The following NIPBL variants were observed in gnomAD, a reference collection of about 807,000 sequenced individuals.
The protein encoded by NIPBL is nipped-B-like protein.
A neutral mutation model predicts 321.8 loss-of-function variants in NIPBL; 19 were observed. The observed-to-expected ratio is 0.06, with a 90% CI of 0.04 to 0.09. The LOEUF is 0.09. Ranked by LOEUF, NIPBL falls within the 10% of genes least tolerant of loss-of-function variation. The probability of loss-of-function intolerance (pLI) is 1.00; values close to 1 mark genes in which losing one functional copy is unlikely to be tolerated. For missense variants in NIPBL, 2,210 were observed against 3,327.0 expected (o/e 0.66, Z 8.26); for synonymous variants, 1,106 against 1,114.1 (o/e 0.99, Z 0.14).
intron 33 of NIPBL, among the ~76,000 whole-genome samples, chr5:37,037,154 A>G (rs577996161): frequency 3.7e-4 from 56 of 151,562 alleles, no homozygotes; most frequent in Admixed American, 6.6e-4. Context: ...TTGGGAGGCC[A>G]AGGCGGGCAG....
intron 1 of NIPBL, among the ~76,000 whole-genome samples, chr5:36,926,322 C>A (rs958035662): frequency 2.0e-5 from 3 of 152,146 alleles, no homozygotes; most frequent in Non-Finnish European, 4.4e-5. Context: ...TTAGGCAGGG[C>A]TTGGCTTTGT....
chr5:37,040,336 G>GT (rs1481542529), intron 34 of NIPBL, among the ~76,000 whole-genome samples: 16 of 151,910 alleles, frequency 1.1e-4, no homozygotes, highest in Non-Finnish European at 8.8e-5. Flanking sequence ...TTTGATTTTT[G>GT]TTTTTATATC....
intron 1 of NIPBL, among the ~76,000 whole-genome samples, chr5:36,943,000 A>G (rs928570013): frequency 3.3e-5 from 5 of 152,156 alleles, no homozygotes; most frequent in Admixed American, 3.3e-4. Context: ...TTAGTTAAAA[A>G]AAAACCCTTC....
At chr5:36,931,386 C>T (rs1262600397) in intron 1 of NIPBL, among the ~76,000 whole-genome samples, 2 of 151,176 alleles carry the variant, frequency 1.3e-5, no homozygotes, top group African/African-American at 2.4e-5. Flanking sequence ...GGTGTGATCT[C>T]GGCTCACTGC....
chr5:37,031,827 A>G (rs1751058724), intron 32 of NIPBL, among the ~76,000 whole-genome samples: 1 of 152,234 alleles, frequency 6.6e-6, no homozygotes, highest in African/African-American at 2.4e-5. Context: ...AACATTGTGC[A>G]GAGTAAAAGA....
chr5:36,932,787 T>G (rs894050682), intron 1 of NIPBL, among the ~76,000 whole-genome samples: 8 of 148,642 alleles, frequency 5.4e-5, no homozygotes, highest in African/African-American at 1.7e-4. Flanking sequence ...TGTTTTTTTT[T>G]TTTTTTTTTT....
intron 11 of NIPBL, 74 bp downstream of exon 11, chr5:36,995,878 T>A: frequency 7.2e-7 from 1 of 1,388,994 alleles, no homozygotes; most frequent in Non-Finnish European, 1.0e-6. Flanking sequence ...CATTTATAAT[T>A]TGGGGGTTTA....
intron 1 of NIPBL, among the ~76,000 whole-genome samples, chr5:36,952,053 T>TGTGTGCGTGCGTGCGC (rs778597604): frequency 8.9e-6 from 1 of 112,114 alleles, no homozygotes; most frequent in Non-Finnish European, 1.9e-5. Context: ...TGTGTGTGTG[T>TGTGTGCGTGCGTGCGC]GCGCGCGCGC....
intron 32 of NIPBL, among the ~76,000 whole-genome samples, chr5:37,030,825 G>T (rs2149710214): frequency 6.6e-6 from 1 of 151,134 alleles, no homozygotes; most frequent in Non-Finnish European, 1.5e-5. Context: ...CACCATCATG[G>T]CCCACTGTGG....
chr5:36,899,954 GTTCC>G (rs965673979), intron 1 of NIPBL, among the ~76,000 whole-genome samples: 8 of 152,070 alleles, frequency 5.3e-5, no homozygotes, highest in Admixed American at 3.3e-4. Flanking sequence ...GTATTTTTCT[GTTCC>G]TTCCTTATGA....
At chr5:36,930,903 G>C (rs1189274765) in intron 1 of NIPBL, among the ~76,000 whole-genome samples, 2 of 152,068 alleles carry the variant, frequency 1.3e-5, no homozygotes, top group Non-Finnish European at 2.9e-5. Flanking sequence ...TGGTCATAAT[G>C]TGTAGTCATT....
chr5:36,898,003 A>G (rs1202683137), intron 1 of NIPBL, among the ~76,000 whole-genome samples: 2 of 152,150 alleles, frequency 1.3e-5, no homozygotes, highest in Admixed American at 6.5e-5. Context: ...ATTAGGAACA[A>G]AAGAGGAAAA....
intron 23 of NIPBL, 90 bp from the exon 24 acceptor site, chr5:37,016,929 T>C (rs2149691912): frequency 4.1e-6 from 4 of 969,324 alleles, no homozygotes; most frequent in Non-Finnish European, 6.0e-6. Flanking sequence ...TTTTAAATTA[T>C]ACAATTTAGA....
At chr5:37,011,849 C>G (rs1016244817) in intron 21 of NIPBL, among the ~76,000 whole-genome samples, 10 of 151,806 alleles carry the variant, frequency 6.6e-5, no homozygotes, top group African/African-American at 2.4e-4. Flanking sequence ...GTTAAAAACA[C>G]CATATCATAG....
intron 6 of NIPBL, among the ~76,000 whole-genome samples, chr5:36,969,572 CCTAT>C (rs1742627459): frequency 6.6e-6 from 1 of 152,080 alleles, no homozygotes; most frequent in Non-Finnish European, 1.5e-5. Flanking sequence ...ACATTGGATC[CCTAT>C]CTCACACTTA....
intron 1 of NIPBL, among the ~76,000 whole-genome samples, chr5:36,891,359 A>G (rs1389422124): frequency 6.6e-6 from 1 of 152,232 alleles, no homozygotes; most frequent in Non-Finnish European, 1.5e-5. Flanking sequence ...TTATGTTACA[A>G]TATCTAAGTG....
At chr5:36,906,198 A>G (rs1747622952) in intron 1 of NIPBL, among the ~76,000 whole-genome samples, 1 of 152,196 alleles carries the variant, frequency 6.6e-6, no homozygotes, top group Non-Finnish European at 1.5e-5. Flanking sequence ...CTGCGAATGA[A>G]GTATATAATC....
chr5:37,032,166 G>C (rs1328625211), intron 32 of NIPBL, among the ~76,000 whole-genome samples: 1 of 152,166 alleles, frequency 6.6e-6, no homozygotes, highest in Non-Finnish European at 1.5e-5. Flanking sequence ...TGACGATTGA[G>C]AACAACTGTT....
At chr5:36,927,757 T>C (rs371927454) in intron 1 of NIPBL, among the ~76,000 whole-genome samples, 1 of 152,174 alleles carries the variant, frequency 6.6e-6, no homozygotes, top group Non-Finnish European at 1.5e-5. Flanking sequence ...AAATAGGCAG[T>C]TGGATATACC....
Sources: gnomAD v4.1 joint callset for allele counts (sites outside exome capture counted in the v4.1 genomes callset) on GRCh38, gnomAD v4.1.1 for gene constraint, MANE v1.5 for transcripts, NCBI Gene and HGNC (gene_info 2026-07-23, HGNC 2026-07-21) for gene names.